EIF4H: variants seen among roughly 807,000 people sequenced by gnomAD.
EIF4H encodes the protein Williams-Beuren syndrome chromosome region 1.
EIF4H carries 8 observed loss-of-function variants against 30.6 expected under a neutral mutation model. The observed-to-expected ratio is 0.26, with a 90% CI of 0.15 to 0.47. EIF4H has a LOEUF of 0.47. Ranked by LOEUF, EIF4H falls within the 20% of genes least tolerant of loss-of-function variation. The pLI, the probability that EIF4H is intolerant of heterozygous loss-of-function variation, is 0.99. For missense variants in EIF4H, 188 were observed against 339.5 expected, an observed-to-expected ratio of 0.55 and a Z score of 3.51; for synonymous variants, 106 against 122.7, an observed-to-expected ratio of 0.86 and a Z score of 0.90.
intron 1 of EIF4H, among the ~76,000 whole-genome samples, chr7:74,182,872 T>A (rs1179133352): frequency 6.6e-6 from 1 of 152,250 alleles, no homozygotes; most frequent in Non-Finnish European, 1.5e-5. Flanking sequence ...CCATCTGCCA[T>A]CTGGAAGTGG....
chr7:74,180,895 C>T (rs1477447231), intron 1 of EIF4H, among the ~76,000 whole-genome samples: 1 of 152,194 alleles, frequency 6.6e-6, no homozygotes, highest in Non-Finnish European at 1.5e-5. Flanking sequence ...AGAACTGCTG[C>T]TTGAGCTAAA....
rs555641147 is a variant in EIF4H at position 74,182,253 on chromosome 7, A to T, written c.60-5358A>T. 3.3e-5 allele frequency among the ~76,000 whole-genome samples: 5 copies of T among 152,080 alleles called. No individual in the cohort carries two copies. The South Asian group carries it at 1.0e-3, about 32-fold the overall frequency. On this transcript the variant is annotated intron_variant, in intron 1 of 6. Coordinates refer to ENST00000265753, the MANE Select transcript of EIF4H (RefSeq NM_022170.2). ...CCCATTACCTACTCTTTAAGTGACC[A>T]CTCTTCTCTATACTACTATGGTTTA...
At chr7:74,188,503 T>C (rs1801138903) in intron 2 of EIF4H, among the ~76,000 whole-genome samples, 1 of 152,156 alleles carries the variant, frequency 6.6e-6, no homozygotes, top group African/African-American at 2.4e-5. Context: ...CGGGGAGCTG[T>C]GCCAGCAGTC....
Position 74,187,704 on chromosome 7 carries a change from C to T in EIF4H, c.153C>T (p.Phe51=). The change falls in exon 2 of 7, where the codon TTC becomes TTT. Residue 51 remains phenylalanine (F), a synonymous_variant. Coordinates refer to ENST00000265753, the MANE Select transcript of EIF4H (RefSeq NM_022170.2). ...PYTAYVGNLP[F]NTVQGDIDAI... is the part of the protein sequence containing the mutation. ...CAGCATACGTAGGAAATCTACCTTT[C>T]AATACGGTTCAGGGCGACATAGATG... 6.2e-7 allele frequency: 1 copy of T among 1,613,908 alleles called. No homozygotes were observed. Among genetic ancestry groups the T allele is most frequent in the Non-Finnish European group, 8.5e-7 (1 of 1,179,874 alleles).
chr7:74,191,542 T>C (rs188302879), intron 5 of EIF4H, among the ~76,000 whole-genome samples: 64 of 152,306 alleles, frequency 4.2e-4, no homozygotes, highest in African/African-American at 1.5e-3. Flanking sequence ...GAGTAATGGC[T>C]AATTTGATAC....
At chr7:74,191,368 T>A (rs372290678) in intron 5 of EIF4H, 2 of 491,694 alleles carry the variant, frequency 4.1e-6, no homozygotes, top group Non-Finnish European at 8.3e-6. Context: ...GCAGGTGTTA[T>A]AGAAGTTGCC....
At chr7:74,194,011 C>A (rs1801285151) in intron 5 of EIF4H, among the ~76,000 whole-genome samples, 2 of 152,238 alleles carry the variant, frequency 1.3e-5, no homozygotes, top group Admixed American at 6.5e-5. Flanking sequence ...CTCCTACACA[C>A]CAGTGGGAAT....
intron 1 of EIF4H, among the ~76,000 whole-genome samples, chr7:74,176,040 G>C (rs1047027469): frequency 6.6e-6 from 1 of 152,158 alleles, no homozygotes; most frequent in Non-Finnish European, 1.5e-5. Flanking sequence ...TGATAGGAGA[G>C]TTTCCTAGGT....
Position 74,196,939 on chromosome 7 carries a change from A to G in EIF4H, c.*1631A>G, listed in dbSNP as rs1489619420. On this transcript the variant is annotated 3_prime_UTR_variant, in exon 7 of 7. Transcript: ENST00000265753. Reference sequence around the variant, plus strand: ...TTCAATGTGGATAAGATAAAGAACAAAACACATGCATCTAAACTGCTGGGC... The same window carrying G: ...TTCAATGTGGATAAGATAAAGAACAGAACACATGCATCTAAACTGCTGGGC... 8 of 152,628 alleles carry G rather than the reference A, an allele frequency of 5.2e-5. No individual in the cohort carries two copies. Among genetic ancestry groups the G allele is most frequent in the African/African-American group, 1.9e-4 (8 of 41,452 alleles). The allele number at this position is 152,628 out of a possible 1,614,324, so 9.5% of individuals were successfully genotyped here.
At chr7:74,185,788 G>C (rs1801066804) in intron 1 of EIF4H, among the ~76,000 whole-genome samples, 1 of 152,120 alleles carries the variant, frequency 6.6e-6, no homozygotes, top group South Asian at 2.1e-4. Context: ...ACTTTGGGCA[G>C]GTCTTGGGTT....
At chr7:74,195,055 G>A in intron 6 of EIF4H, 114 bp from the exon 7 acceptor site, 1 of 1,537,124 alleles carries the variant, frequency 6.5e-7, no homozygotes, top group African/African-American at 1.4e-5. Flanking sequence ...GGGGTAGCAG[G>A]CCAGGTGAAT....
At chr7:74,181,456 A>T (rs1396507443) in intron 1 of EIF4H, among the ~76,000 whole-genome samples, 1 of 151,396 alleles carries the variant, frequency 6.6e-6, no homozygotes, top group Middle Eastern at 3.2e-3. Context: ...TCTGAGGCAG[A>T]GTTTTACTCT....
chr7:74,180,870 A>G (rs1361521575), intron 1 of EIF4H, among the ~76,000 whole-genome samples: 1 of 152,194 alleles, frequency 6.6e-6, no homozygotes, highest in East Asian at 1.9e-4. Flanking sequence ...TTCTTCAGAG[A>G]CTGCACAAAT....
At chr7:74,190,205 TA>T in intron 4 of EIF4H, 41 bp from the exon 5 acceptor site, 2 of 1,592,812 alleles carry the variant, frequency 1.3e-6, no homozygotes, top group Non-Finnish European at 1.7e-6. Flanking sequence ...CGCAGCAAGG[TA>T]ATGACACGAC....
intron 1 of EIF4H, among the ~76,000 whole-genome samples, chr7:74,186,788 A>ATTTTTTTTTTTTTTTTTTTT (rs564794579): frequency 1.4e-5 from 1 of 70,088 alleles, no homozygotes; most frequent in African/African-American, 4.9e-5. Context: ...ACAAGGAGAA[A>ATTTTTTTTTTTTTTTTTTTT]TTTTTTTTTT....
At chr7:74,179,304 C>T (rs1332855901) in intron 1 of EIF4H, among the ~76,000 whole-genome samples, 2 of 152,130 alleles carry the variant, frequency 1.3e-5, no homozygotes, top group Non-Finnish European at 2.9e-5. Context: ...AAACCTAAAA[C>T]CTTATCAATA....
At chr7:74,187,875 A>G in intron 2 of EIF4H, 77 bp downstream of exon 2, 2 of 1,416,470 alleles carry the variant, frequency 1.4e-6, no homozygotes, top group Non-Finnish European at 1.9e-6. Context: ...ATAAAAATAG[A>G]TTTGTGAACC....
chr7:74,175,545 G>C (rs1240488730), intron 1 of EIF4H, among the ~76,000 whole-genome samples: 1 of 152,122 alleles, frequency 6.6e-6, no homozygotes, highest in Non-Finnish European at 1.5e-5. Flanking sequence ...TGTAGCTAAT[G>C]TTCATGATAC....
chr7:74,181,642 A>G (rs1355304026), intron 1 of EIF4H, among the ~76,000 whole-genome samples: 4 of 151,724 alleles, frequency 2.6e-5, no homozygotes, highest in African/African-American at 9.7e-5. Flanking sequence ...GAGGGTTTCT[A>G]CATGTTGGTC....
Sources: gnomAD v4.1 joint callset for allele counts (sites outside exome capture counted in the v4.1 genomes callset) on GRCh38, gnomAD v4.1.1 for gene constraint, MANE v1.5 for transcripts, NCBI Gene and HGNC (gene_info 2026-07-23, HGNC 2026-07-21) for gene names.